LRP1B: variants seen among roughly 807,000 people sequenced by gnomAD.
LRP1B encodes the protein low-density lipoprotein receptor-related protein 1B.
LRP1B carries 217 observed loss-of-function variants against 556.6 expected under a neutral mutation model. The ratio of observed to expected loss-of-function variants is 0.39; its 90% CI spans 0.35 to 0.44. LRP1B has a LOEUF of 0.44. Ranked by LOEUF, LRP1B falls within the 20% of genes least tolerant of loss-of-function variation. The probability of loss-of-function intolerance (pLI) is 1.00; values close to 1 mark genes in which losing one functional copy is unlikely to be tolerated. For missense variants in LRP1B, 5,053 were observed against 5,620.8 expected (o/e 0.90, Z 3.23); for synonymous variants, 2,047 against 1,865.8 (o/e 1.10, Z -2.50).
chr2:141,387,662 CAAT>C (rs1474483302), intron 3 of LRP1B, among the ~76,000 whole-genome samples: 6 of 152,006 alleles, frequency 3.9e-5, no homozygotes, highest in African/African-American at 7.2e-5. Context: ...GAGATAGAAT[CAAT>C]AATTTAAAAA....
intron 2 of LRP1B, among the ~76,000 whole-genome samples, chr2:141,527,173 T>C (rs905523947): frequency 6.6e-6 from 1 of 152,190 alleles, no homozygotes; most frequent in Non-Finnish European, 1.5e-5. Flanking sequence ...ATTGCTTTTT[T>C]CCAGGACAAG....
At position 140,665,981 on chromosome 2, in the gene LRP1B, T is replaced by TA. The variant is rs200495496; in HGVS notation, c.6799+34268dup. On this transcript the variant is annotated intron_variant, in intron 41 of 90. Coordinates refer to ENST00000389484, the MANE Select transcript of LRP1B (RefSeq NM_018557.3). ...ATTCCAAAATACCACTTCAGTGGAG[T>TA]AAAAAAAAAAAAATTTTTTTTTTTT... Among the ~76,000 whole-genome samples the TA allele has an allele frequency of 7.5e-4, 104 of 138,232 alleles. 2 individuals carry two copies. The highest frequency in any genetic ancestry group is 3.6e-3 in the Middle Eastern group (1 of 278). The allele number at this position is 138,232 out of a possible 152,430, so 90.7% of individuals were successfully genotyped here.
chr2:141,625,642 A>G (rs1688678918), intron 2 of LRP1B, among the ~76,000 whole-genome samples: 1 of 152,166 alleles, frequency 6.6e-6, no homozygotes, highest in African/African-American at 2.4e-5. Context: ...ATGCTACATA[A>G]GTGAATGAAT....
intron 3 of LRP1B, among the ~76,000 whole-genome samples, chr2:141,352,692 T>C (rs1023050069): frequency 6.6e-6 from 1 of 151,968 alleles, no homozygotes; most frequent in Middle Eastern, 3.2e-3. Context: ...TATAAGATAA[T>C]GATTGTTACA....
rs12999678 is a variant in LRP1B at position 142,021,151 on chromosome 2, G to A, written c.82+109497C>T. Among the ~76,000 whole-genome samples the A allele has an allele frequency of 3.8e-3, 573 of 152,204 alleles. 6 individuals carry two copies. Among genetic ancestry groups the A allele is most frequent in the Non-Finnish European group, 6.4e-3 (437 of 67,994 alleles). On this transcript the variant is annotated intron_variant, in intron 1 of 90. Coordinates refer to ENST00000389484, the MANE Select transcript of LRP1B (RefSeq NM_018557.3). ...CCTCTAATACTTGGCATTCCCATAT[G>A]CACCTTGCATTCCAGAGATATAATG...
At chr2:140,947,420 T>C (rs1454308764) in intron 20 of LRP1B, among the ~76,000 whole-genome samples, 4 of 152,188 alleles carry the variant, frequency 2.6e-5, no homozygotes, top group Admixed American at 2.0e-4. Context: ...TGAGCAATTA[T>C]ATGGTGGATT....
chr2:140,359,739 T>C (rs1682419999), intron 72 of LRP1B, among the ~76,000 whole-genome samples: 1 of 151,658 alleles, frequency 6.6e-6, no homozygotes, highest in South Asian at 2.1e-4. Context: ...ATTCTCTATC[T>C]AGTTCAAACA....
At chr2:141,355,320 A>G (rs1430206319) in intron 3 of LRP1B, among the ~76,000 whole-genome samples, 1 of 152,058 alleles carries the variant, frequency 6.6e-6, no homozygotes, top group Non-Finnish European at 1.5e-5. Context: ...AATAATTCAC[A>G]TACCTTAATA....
chr2:141,515,904 T>C (rs890273980), intron 2 of LRP1B, among the ~76,000 whole-genome samples: 89 of 152,308 alleles, frequency 5.8e-4, no homozygotes, highest in African/African-American at 2.1e-3. Flanking sequence ...TATCAGAATG[T>C]GAAAAGAGAG....
At chr2:140,384,720 A>G (rs548703333) in intron 67 of LRP1B, among the ~76,000 whole-genome samples, 373 of 152,306 alleles carry the variant, frequency 2.4e-3, no homozygotes, top group Middle Eastern at 0.014. Context: ...TCTACTAATT[A>G]TATGCTTTAA....
intron 3 of LRP1B, among the ~76,000 whole-genome samples, chr2:141,419,856 T>A (rs949895691): frequency 1.4e-4 from 21 of 152,156 alleles, no homozygotes; most frequent in Non-Finnish European, 1.3e-4. Context: ...TTTATTTCAT[T>A]TCATTTCATT....
At chr2:140,657,566 CACATACATACATATATAT>C (rs1430809642) in intron 41 of LRP1B, among the ~76,000 whole-genome samples, 1 of 144,968 alleles carries the variant, frequency 6.9e-6, no homozygotes, top group Non-Finnish European at 1.5e-5. Context: ...TATATATATA[CACATACATACATATATAT>C]ACATACATAC....
At chr2:141,373,029 G>T (rs948845121) in intron 3 of LRP1B, among the ~76,000 whole-genome samples, 1 of 151,908 alleles carries the variant, frequency 6.6e-6, no homozygotes, top group Admixed American at 6.6e-5. Context: ...CTAGGTTTTA[G>T]TATGTTGTGT....
intron 41 of LRP1B, among the ~76,000 whole-genome samples, chr2:140,680,394 C>A (rs1223457017): frequency 6.6e-6 from 1 of 151,818 alleles, no homozygotes; most frequent in East Asian, 1.9e-4. Context: ...CGTTATTGGA[C>A]TTTGAGAAAA....
At chr2:141,270,377 A>G (rs757935187) in intron 3 of LRP1B, among the ~76,000 whole-genome samples, 2 of 152,104 alleles carry the variant, frequency 1.3e-5, no homozygotes, top group African/African-American at 2.4e-5. Flanking sequence ...TGCAGCCACT[A>G]TGGAAAACAA....
chr2:140,397,171 T>A (rs879778390), intron 66 of LRP1B, among the ~76,000 whole-genome samples: 1 of 152,160 alleles, frequency 6.6e-6, no homozygotes, highest in Admixed American at 6.6e-5. Context: ...ATTACTTTTT[T>A]AACATTTTTT....
chr2:141,774,515 A>G (rs1558867087), intron 2 of LRP1B, among the ~76,000 whole-genome samples: 1 of 152,124 alleles, frequency 6.6e-6, no homozygotes, highest in South Asian at 2.1e-4. Context: ...ACCTCCTACC[A>G]TACTCCACCT....
At chr2:141,190,214 GC>G (rs2105198398) in intron 6 of LRP1B, among the ~76,000 whole-genome samples, 1 of 151,988 alleles carries the variant, frequency 6.6e-6, no homozygotes, top group East Asian at 2.0e-4. Context: ...ACTATCTTCA[GC>G]CATCTGGTCT....
intron 12 of LRP1B, among the ~76,000 whole-genome samples, chr2:141,019,093 T>C (rs936861794): frequency 6.6e-6 from 1 of 152,092 alleles, no homozygotes; most frequent in African/African-American, 2.4e-5. Context: ...AATAACATTT[T>C]TAAGTTATAA....
Sources: gnomAD v4.1 joint callset for allele counts (sites outside exome capture counted in the v4.1 genomes callset) on GRCh38, gnomAD v4.1.1 for gene constraint, MANE v1.5 for transcripts, NCBI Gene and HGNC (gene_info 2026-07-23, HGNC 2026-07-21) for gene names.